MRC1: variants seen among roughly 807,000 people sequenced by gnomAD.
MRC1 encodes the protein macrophage mannose receptor 1.
Under a neutral mutation model 102.9 loss-of-function variants are expected in MRC1, and 62 were observed. The observed-to-expected ratio is 0.60, with a 90% confidence interval of 0.49 to 0.74. MRC1 has a LOEUF of 0.74. MRC1 is among the 30% of genes least tolerant of loss of function. MRC1 has a pLI of 0.00. For synonymous variants in MRC1, 457 were observed against 298.4 expected (o/e 1.53, Z -5.48); for missense variants, 1,237 against 862.8 (o/e 1.43, Z -5.43).
In MRC1 at chr10:17,877,066, C is replaced by CTA. The variant is rs1342478489; in HGVS notation, c.2551-822_2551-821dup. On this transcript the variant is annotated intron_variant, in intron 17 of 29. Transcript: ENST00000569591. ...CAAGATGTTTTCTAATATTGCACAA[C>CTA]TATATATATATATTATGTATATATA... is the stretch of plus-strand genomic sequence containing the variant. Among the ~76,000 whole-genome samples the CTA allele has an allele frequency of 5.3e-3, 788 of 148,710 alleles. 13 individuals are homozygous for CTA. The highest frequency in any genetic ancestry group is 0.027 in the Admixed American group (403 of 14,844).
Position 17,833,691 on chromosome 10 carries a change from C to T in MRC1, c.654C>T (p.Ser218=), listed in dbSNP as rs782713719. 3 of 780,992 alleles carry T rather than the reference C, an allele frequency of 3.8e-6. No homozygotes were observed. In the South Asian group the frequency reaches 4.0e-5, roughly 10 times the overall value. The allele number at this position is 780,992 out of a possible 1,614,324, so 48.4% of individuals were successfully genotyped here. A position where few individuals can be genotyped will look rare whatever the true frequency, so the allele number is the denominator to read the frequency against. The change falls in exon 4 of 30, where the codon AGC becomes AGT. Residue 218 remains serine (S), a synonymous_variant. Transcript: ENST00000569591. The part of the protein sequence containing the change: ...YCPLKFEGSE[S]LWNKDPLTSV... Reference sequence around the variant, plus strand: ...CTTTCACAGTTGAGGGCAGTGAAAGCTTATGGAATAAAGACCCGCTGACCA... The same window carrying T: ...CTTTCACAGTTGAGGGCAGTGAAAGTTTATGGAATAAAGACCCGCTGACCA...
chr10:17,828,560 T>C (rs1231527806), intron 3 of MRC1, among the ~76,000 whole-genome samples: 1 of 151,450 alleles, frequency 6.6e-6, no homozygotes, highest in Non-Finnish European at 1.5e-5. Flanking sequence ...TGTGGTTTGA[T>C]GGAGAAAGAC....
At chr10:17,907,241 A>G (rs1833907205) in intron 27 of MRC1, among the ~76,000 whole-genome samples, 1 of 152,220 alleles carries the variant, frequency 6.6e-6, no homozygotes, top group African/African-American at 2.4e-5. Context: ...TTTAAAAAGC[A>G]TTTTCTATGT....
intron 12 of MRC1, among the ~76,000 whole-genome samples, chr10:17,867,042 T>C (rs1833279418): frequency 6.6e-6 from 1 of 151,650 alleles, no homozygotes; most frequent in African/African-American, 2.4e-5. Context: ...TTCTCTCCTT[T>C]CTCCCAGGCC....
At position 17,870,275 on chromosome 10, in the gene MRC1, A is replaced by G; in HGVS notation, c.2013A>G (p.Lys671=). ...KLYAKGKHEK[K]TWFESRDFCR... ...ATGCAAAAGGAAAACATGAGAAGAA[A>G]ACGTGGTTTGAATCTCGAGATTTTT... Residue 671 remains lysine (K), a synonymous_variant, in exon 13 of 30, where the codon AAA becomes AAG. Transcript: ENST00000569591. 1 of 780,538 alleles carries G rather than the reference A, an allele frequency of 1.3e-6. No homozygotes were observed. Among genetic ancestry groups the G allele is most frequent in the South Asian group, 1.3e-5 (1 of 74,590 alleles). The allele number at this position is 780,538 out of a possible 1,614,324, so 48.4% of individuals were successfully genotyped here.
chr10:17,847,843 T>C (rs919240177), intron 6 of MRC1, among the ~76,000 whole-genome samples: 41 of 152,216 alleles, frequency 2.7e-4, no homozygotes, highest in African/African-American at 8.7e-4. Context: ...GATACTATTT[T>C]CAATTTCCTA....
At chr10:17,872,893 G>C (rs1833374426) in intron 15 of MRC1, among the ~76,000 whole-genome samples, 1 of 152,174 alleles carries the variant, frequency 6.6e-6, no homozygotes, top group African/African-American at 2.4e-5. Context: ...ATTGCCCTCT[G>C]CTGTTGGGGA....
intron 29 of MRC1, 123 bp downstream of exon 29, chr10:17,909,470 A>G (rs1452791716): frequency 5.7e-6 from 4 of 705,912 alleles, no homozygotes; most frequent in African/African-American, 1.8e-5. Flanking sequence ...CTTAAGCTAA[A>G]CTATCCTTTG....
chr10:17,902,329 A>G (rs1336656472), intron 26 of MRC1, among the ~76,000 whole-genome samples: 1 of 152,230 alleles, frequency 6.6e-6, no homozygotes, highest in African/African-American at 2.4e-5. Flanking sequence ...GAATTCGGGT[A>G]GAAAACAGCG....
At chr10:17,843,701 A>T (rs1838783756) in intron 5 of MRC1, among the ~76,000 whole-genome samples, 1 of 152,130 alleles carries the variant, frequency 6.6e-6, no homozygotes, top group Non-Finnish European at 1.5e-5. Context: ...GCTTATTACT[A>T]ACCATTATTT....
intron 20 of MRC1, 101 bp from the exon 21 acceptor site, chr10:17,880,966 A>C (rs1192472822): frequency 1.3e-6 from 1 of 757,722 alleles, no homozygotes; most frequent in African/African-American, 1.7e-5. Flanking sequence ...TGATTTAGCT[A>C]TAATCTTCAT....
chr10:17,880,862 C>G (rs1222476636), intron 20 of MRC1, among the ~76,000 whole-genome samples, 192 bp downstream of exon 20: 1 of 152,282 alleles, frequency 6.6e-6, no homozygotes, highest in Non-Finnish European at 1.5e-5. Flanking sequence ...TGGATGTATC[C>G]TTTCTCCCAA....
At chr10:17,895,266 T>A (rs1833738982) in intron 23 of MRC1, among the ~76,000 whole-genome samples, 1 of 151,870 alleles carries the variant, frequency 6.6e-6, no homozygotes, top group African/African-American at 2.4e-5. Context: ...TATGATCATT[T>A]CCTTGCATAG....
chr10:17,817,055 C>G (rs2130578705), intron 1 of MRC1, among the ~76,000 whole-genome samples: 1 of 152,146 alleles, frequency 6.6e-6, no homozygotes, highest in Non-Finnish European at 1.5e-5. Flanking sequence ...CGAGACCAGC[C>G]TGGCCAACAT....
intron 6 of MRC1, among the ~76,000 whole-genome samples, chr10:17,847,033 G>GC (rs1838836096): frequency 6.6e-6 from 1 of 152,168 alleles, no homozygotes; most frequent in Admixed American, 6.5e-5. Flanking sequence ...ATAGATGCGG[G>GC]ACCTGGATGT....
At chr10:17,820,345 G>T (rs1281486730) in intron 1 of MRC1, among the ~76,000 whole-genome samples, 4 of 152,084 alleles carry the variant, frequency 2.6e-5, no homozygotes, top group Non-Finnish European at 1.5e-5. Flanking sequence ...CTCGGGGGAT[G>T]GTGGTGCCAA....
chr10:17,852,379 G>T (rs1838930282), intron 7 of MRC1, among the ~76,000 whole-genome samples: 1 of 152,132 alleles, frequency 6.6e-6, no homozygotes, highest in Admixed American at 6.6e-5. Context: ...TCAGGTGCAA[G>T]TCTCACCTCT....
chr10:17,836,860 TTAA>T (rs1398202014), intron 4 of MRC1, among the ~76,000 whole-genome samples: 3 of 149,576 alleles, frequency 2.0e-5, no homozygotes, highest in African/African-American at 7.4e-5. Flanking sequence ...AAATAAAAAT[TTAA>T]AAAAAAAGGA....
intron 29 of MRC1, among the ~76,000 whole-genome samples, chr10:17,909,588 A>G (rs1367882302): frequency 2.6e-5 from 4 of 151,682 alleles, no homozygotes; most frequent in Admixed American, 2.6e-4. Context: ...GCTCTGTTAC[A>G]AACAGCTGCC....
Sources: gnomAD v4.1 joint callset for allele counts (sites outside exome capture counted in the v4.1 genomes callset) on GRCh38, gnomAD v4.1.1 for gene constraint, MANE v1.5 for transcripts, NCBI Gene and HGNC (gene_info 2026-07-23, HGNC 2026-07-21) for gene names.